The following PTPRD variants were observed in gnomAD, a reference collection of about 807,000 sequenced individuals.
PTPRD encodes receptor-type tyrosine-protein phosphatase delta.
In PTPRD, 34 loss-of-function variants were observed where a neutral mutation model predicts 214.5. The observed-to-expected ratio is 0.16, with a 90% CI of 0.12 to 0.21. PTPRD has a LOEUF of 0.21. Ranked by LOEUF, PTPRD falls within the 10% of genes least tolerant of loss-of-function variation. The pLI, the probability that PTPRD is intolerant of heterozygous loss-of-function variation, is 1.00. For synonymous variants in PTPRD, 1,128 were observed against 845.7 expected (o/e 1.33, Z -5.79); for missense variants, 2,545 against 2,398.7 (o/e 1.06, Z -1.27).
chr9:10,084,344 A>T (rs539418445), intron 3 of PTPRD, among the ~76,000 whole-genome samples: 3 of 151,980 alleles, frequency 2.0e-5, no homozygotes, highest in Non-Finnish European at 2.9e-5. Flanking sequence ...CTAACTTTCA[A>T]ATAATGAGGT....
intron 42 of PTPRD, 100 bp from the exon 43 acceptor site, chr9:8,339,147 T>A (rs2132253953): frequency 8.0e-7 from 1 of 1,249,454 alleles, no homozygotes; most frequent in Non-Finnish European, 1.0e-6. Context: ...CCTTATCCCA[T>A]TAATAAAATT....
chr9:9,296,675 G>C (rs1451379343), intron 9 of PTPRD, among the ~76,000 whole-genome samples: 1 of 151,694 alleles, frequency 6.6e-6, no homozygotes, highest in African/African-American at 2.4e-5. Context: ...AGAGAATGTA[G>C]AATGAAGAGG....
chr9:9,314,510 G>T (rs1233268244), intron 9 of PTPRD, among the ~76,000 whole-genome samples: 1 of 152,058 alleles, frequency 6.6e-6, no homozygotes, highest in Non-Finnish European at 1.5e-5. Flanking sequence ...ATGGCACATG[G>T]CCTGGCTTGA....
At chr9:10,132,368 A>G (rs2098899198) in intron 3 of PTPRD, among the ~76,000 whole-genome samples, 1 of 152,150 alleles carries the variant, frequency 6.6e-6, no homozygotes, top group Non-Finnish European at 1.5e-5. Flanking sequence ...AACTTCAACT[A>G]TATATTACTT....
chr9:10,262,802 C>T (rs777597466), intron 3 of PTPRD, among the ~76,000 whole-genome samples: 23 of 152,168 alleles, frequency 1.5e-4, no homozygotes, highest in Non-Finnish European at 2.6e-4. Context: ...TGCACAGACC[C>T]TTTGCACACT....
intron 3 of PTPRD, among the ~76,000 whole-genome samples, chr9:10,117,091 G>A (rs570398468): frequency 6.6e-6 from 1 of 152,148 alleles, no homozygotes; most frequent in Admixed American, 6.5e-5. Context: ...CATCAGAGCA[G>A]GAATTTGTAT....
At chr9:8,599,868 C>T (rs1397690342) in intron 14 of PTPRD, among the ~76,000 whole-genome samples, 1 of 152,026 alleles carries the variant, frequency 6.6e-6, no homozygotes, top group Non-Finnish European at 1.5e-5. Flanking sequence ...CCACCAGCCT[C>T]GGCCCCCCAA....
chr9:9,832,641 A>G (rs1396168186), intron 5 of PTPRD, among the ~76,000 whole-genome samples: 1 of 152,012 alleles, frequency 6.6e-6, no homozygotes, highest in East Asian at 1.9e-4. Context: ...GAGAACTTCC[A>G]GGACTTCCTG....
chr9:9,387,920 G>A (rs1377135648), intron 9 of PTPRD, among the ~76,000 whole-genome samples: 1 of 152,190 alleles, frequency 6.6e-6, no homozygotes. Context: ...GTTACAGGGT[G>A]CTCTTTTAGT....
At chr9:10,330,154 T>G (rs2096722959) in intron 3 of PTPRD, among the ~76,000 whole-genome samples, 2 of 151,814 alleles carry the variant, frequency 1.3e-5, no homozygotes, top group African/African-American at 2.4e-5. Flanking sequence ...ACTTAAATAC[T>G]TTTCTAAGAC....
chr9:10,552,865 C>T (rs2061641641), intron 2 of PTPRD, among the ~76,000 whole-genome samples: 1 of 152,128 alleles, frequency 6.6e-6, no homozygotes, highest in Non-Finnish European at 1.5e-5. Context: ...AAAAAGGAAA[C>T]CTATTCTTGT....
intron 7 of PTPRD, among the ~76,000 whole-genome samples, chr9:9,644,266 G>A (rs537063660): frequency 1.3e-5 from 2 of 152,106 alleles, no homozygotes; most frequent in Non-Finnish European, 1.5e-5. Flanking sequence ...CAAGTGGTGA[G>A]GGCAGGCTGG....
chr9:10,111,439 C>T (rs964082144), intron 3 of PTPRD, among the ~76,000 whole-genome samples: 16 of 151,200 alleles, frequency 1.1e-4, no homozygotes, highest in African/African-American at 3.4e-4. Context: ...GGGGTTTCAC[C>T]GTTTTAGCCG....
At chr9:9,815,209 T>C (rs141834177) in intron 5 of PTPRD, among the ~76,000 whole-genome samples, 2 of 152,262 alleles carry the variant, frequency 1.3e-5, no homozygotes, top group Admixed American at 6.5e-5. Context: ...CGTACATACA[T>C]TGTCCACATA....
chr9:8,913,879 A>G (rs2098766070), intron 11 of PTPRD, among the ~76,000 whole-genome samples: 1 of 152,142 alleles, frequency 6.6e-6, no homozygotes, highest in African/African-American at 2.4e-5. Context: ...CCATCTAAGT[A>G]TTACCTGTTC....
At chr9:10,381,734 G>T (rs2097829230) in intron 2 of PTPRD, among the ~76,000 whole-genome samples, 1 of 151,872 alleles carries the variant, frequency 6.6e-6, no homozygotes, top group South Asian at 2.1e-4. Context: ...TTTTGGCTCT[G>T]TGTGACTTTT....
intron 2 of PTPRD, among the ~76,000 whole-genome samples, chr9:10,543,479 TACAC>T (rs567757732): frequency 0.011 from 1,544 of 145,192 alleles, 25 homozygotes; most frequent in Non-Finnish European, 0.015. Context: ...TATATATATA[TACAC>T]ACACACACAC....
chr9:9,869,552 C>G (rs1001375956), intron 5 of PTPRD, among the ~76,000 whole-genome samples: 48 of 151,966 alleles, frequency 3.2e-4, no homozygotes, highest in Admixed American at 3.2e-3. Flanking sequence ...TTGTATGTTT[C>G]CTGACGGGAT....
intron 2 of PTPRD, among the ~76,000 whole-genome samples, chr9:10,440,973 C>A (rs896091863): frequency 1.3e-5 from 2 of 151,702 alleles, no homozygotes; most frequent in Non-Finnish European, 3.0e-5. Flanking sequence ...TAATCAAAAT[C>A]ATTTTTTACT....
Sources: allele counts gnomAD v4.1 joint callset (sites outside exome capture counted in the v4.1 genomes callset), GRCh38; gene constraint gnomAD v4.1.1; transcripts MANE v1.5; gene names NCBI Gene and HGNC (gene_info 2026-07-23, HGNC 2026-07-21).